Variants in PIP4K2A observed in about 807,000 individuals in gnomAD.
PIP4K2A encodes phosphatidylinositol-5-phosphate 4-kinase type 2 alpha.
A neutral mutation model predicts 42.9 loss-of-function variants in PIP4K2A; 14 were observed. That is an observed-to-expected ratio of 0.33 (90% CI 0.22 to 0.51). The LOEUF (loss-of-function observed/expected upper bound fraction) is 0.51. Among genes scored for constraint, PIP4K2A ranks in the 20% least tolerant of loss-of-function variants. The pLI is 0.97. For missense variants in PIP4K2A, 434 were observed against 519.8 expected (o/e 0.83, Z 1.61); for synonymous variants, 192 against 192.2 (o/e 1.00, Z 0.01).
intron 1 of PIP4K2A, among the ~76,000 whole-genome samples, chr10:22,631,274 T>C (rs1838540258): frequency 6.6e-6 from 1 of 152,048 alleles, no homozygotes; most frequent in South Asian, 2.1e-4. Context: ...TAACCTCGAG[T>C]GTGACTTTGT....
chr10:22,562,855 C>T (rs941669918), intron 6 of PIP4K2A, among the ~76,000 whole-genome samples: 1 of 152,156 alleles, frequency 6.6e-6, no homozygotes, highest in Non-Finnish European at 1.5e-5. Context: ...TATTGGATAT[C>T]TCTGTTCTGA....
At position 22,570,583 on chromosome 10, in the gene PIP4K2A, G is replaced by C. The variant is rs144361898; in HGVS notation, c.640-2694C>G. Among the ~76,000 whole-genome samples, 805 of 152,350 alleles carry C rather than the reference G, an allele frequency of 5.3e-3. 5 individuals are homozygous for C. The highest frequency in any genetic ancestry group is 0.019 in the African/African-American group (772 of 41,576). On this transcript the variant is annotated intron_variant, in intron 5 of 9. Coordinates refer to ENST00000376573, the MANE Select transcript of PIP4K2A (RefSeq NM_005028.5). ...GTGGATCCAGTGTGTGGGGACTTCA[G>C]AGGTTAGGAGACAAGCCCAGACCAT...
At chr10:22,555,345 G>A (rs1004189010) in intron 6 of PIP4K2A, among the ~76,000 whole-genome samples, 11 of 152,344 alleles carry the variant, frequency 7.2e-5, no homozygotes, top group African/African-American at 2.2e-4. Context: ...ATAGGGTTGT[G>A]AGGGTTGCAT....
chr10:22,540,830 C>A (rs1262111378), intron 8 of PIP4K2A, among the ~76,000 whole-genome samples: 1 of 152,218 alleles, frequency 6.6e-6, no homozygotes, highest in Non-Finnish European at 1.5e-5. Context: ...GCTGGGATTA[C>A]AGGCATGAAC....
rs992229182 is a variant in PIP4K2A, at chr10:22,594,632, G to A, written c.340-2851C>T. On this transcript the variant is annotated intron_variant, in intron 3 of 9. Coordinates refer to ENST00000376573, the MANE Select transcript of PIP4K2A (RefSeq NM_005028.5). ...GGTGATCTCGAACTCCTGGCCTCAA[G>A]TGATCTATCTGCCTGCCTTGGCCTC... 9.9e-5 allele frequency among the ~76,000 whole-genome samples: 15 copies of A among 152,148 alleles called. 1 individual carries two copies. Among genetic ancestry groups the A allele is most frequent in the African/African-American group, 3.4e-4 (14 of 41,436 alleles).
In PIP4K2A at chr10:22,607,928, T is replaced by C. The variant is rs748618083; in HGVS notation, c.338A>G (p.Gln113Arg). The C allele has an allele frequency of 6.2e-7, 1 of 1,606,598 alleles. No individual in the cohort carries two copies. Among genetic ancestry groups the C allele is most frequent in the Non-Finnish European group, 8.5e-7 (1 of 1,173,450 alleles). ...ERFGIDDQDF[Q>R]NSLTRSAPLP... ...GCAAATGTTACAAACGCAACTCACC[T>C]GGAAATCTTGATCATCAATTCCAAA... The change falls in exon 3 of 10, where the codon CAG becomes CGG. Residue 113 changes from glutamine (Q) to arginine (R), a missense_variant and splice_region_variant. By Grantham distance (43) the Gln-to-Arg change is conservative. This residue lies in a region of PIP4K2A where 395 missense variants were observed against 444.5 expected (regional missense o/e 0.89). Transcript: ENST00000376573.
intron 4 of PIP4K2A, among the ~76,000 whole-genome samples, chr10:22,588,718 T>G (rs1035298866): frequency 1.3e-5 from 2 of 152,356 alleles, no homozygotes; most frequent in East Asian, 3.8e-4. Context: ...GGTTAGGATC[T>G]ATGTCTCCTG....
chr10:22,647,660 T>C (rs2130805297), intron 1 of PIP4K2A, among the ~76,000 whole-genome samples: 1 of 152,282 alleles, frequency 6.6e-6, no homozygotes, highest in African/African-American at 2.4e-5. Flanking sequence ...CAATCAGCTA[T>C]CACATCTTTG....
At chr10:22,548,598 C>G (rs115154973) in intron 7 of PIP4K2A, among the ~76,000 whole-genome samples, 1 of 152,266 alleles carries the variant, frequency 6.6e-6, no homozygotes, top group East Asian at 1.9e-4. Flanking sequence ...TCAGTTGGAT[C>G]AAACAGATCC....
At chr10:22,563,922 C>A (rs531335802) in intron 6 of PIP4K2A, among the ~76,000 whole-genome samples, 49 of 152,030 alleles carry the variant, frequency 3.2e-4, no homozygotes, top group Non-Finnish European at 6.3e-4. Flanking sequence ...CTAAGCCTAC[C>A]CCCTAGGGAG....
intron 1 of PIP4K2A, among the ~76,000 whole-genome samples, chr10:22,695,699 C>G (rs1839956100): frequency 6.6e-6 from 1 of 152,158 alleles, no homozygotes. Context: ...GTCCCTAATA[C>G]AAAACATTGT....
intron 1 of PIP4K2A, among the ~76,000 whole-genome samples, chr10:22,639,002 A>G (rs1166402401): frequency 1.3e-5 from 2 of 152,186 alleles, no homozygotes; most frequent in Non-Finnish European, 2.9e-5. Flanking sequence ...GTATATTCTC[A>G]AGGCCACCAG....
chr10:22,674,914 C>A (rs1383026310), intron 1 of PIP4K2A, among the ~76,000 whole-genome samples: 2 of 151,894 alleles, frequency 1.3e-5, no homozygotes, highest in Non-Finnish European at 2.9e-5. Flanking sequence ...AGTGAGCTAT[C>A]ATCATGCCAC....
chr10:22,643,717 C>T (rs757076631), intron 1 of PIP4K2A, among the ~76,000 whole-genome samples: 2 of 152,162 alleles, frequency 1.3e-5, no homozygotes, highest in African/African-American at 2.4e-5. Flanking sequence ...ACTTCCCTTG[C>T]AGCCCCCCTC....
chr10:22,689,487 G>A (rs925691375), intron 1 of PIP4K2A, among the ~76,000 whole-genome samples: 1 of 152,050 alleles, frequency 6.6e-6, no homozygotes, highest in Non-Finnish European at 1.5e-5. Context: ...ACACAGTATG[G>A]CAACTATGTA....
At chr10:22,613,339 G>T (rs1315614804) in intron 1 of PIP4K2A, among the ~76,000 whole-genome samples, 1 of 152,106 alleles carries the variant, frequency 6.6e-6, no homozygotes, top group East Asian at 1.9e-4. Context: ...ATGAGGGACA[G>T]AGGGAGGACC....
intron 4 of PIP4K2A, among the ~76,000 whole-genome samples, chr10:22,579,264 C>T (rs1837200514): frequency 6.6e-6 from 1 of 152,200 alleles, no homozygotes; most frequent in African/African-American, 2.4e-5. Context: ...AATGTATCCT[C>T]ATTCTCCAGC....
At chr10:22,579,296 T>G (rs1478276371) in intron 4 of PIP4K2A, among the ~76,000 whole-genome samples, 1 of 152,124 alleles carries the variant, frequency 6.6e-6, no homozygotes, top group Non-Finnish European at 1.5e-5. Flanking sequence ...AACAGAACTT[T>G]GAGGAAAGGG....
At chr10:22,613,948 G>A (rs1390093047) in intron 1 of PIP4K2A, among the ~76,000 whole-genome samples, 2 of 152,216 alleles carry the variant, frequency 1.3e-5, no homozygotes, top group South Asian at 2.1e-4. Context: ...CACTGTAGTC[G>A]ATGGTGCAAG....
Sources: allele counts gnomAD v4.1 joint callset (sites outside exome capture counted in the v4.1 genomes callset), GRCh38; gene constraint gnomAD v4.1.1; regional missense constraint gnomAD v4.1.1; transcripts MANE v1.5; gene names NCBI Gene and HGNC (gene_info 2026-07-23, HGNC 2026-07-21).